ATP6V1H: variants seen among roughly 807,000 people sequenced by gnomAD.
The protein encoded by ATP6V1H is ATPase H+ transporting V1 subunit H.
Under a neutral mutation model 71.7 loss-of-function variants are expected in ATP6V1H, and 39 were observed. The observed-to-expected ratio is 0.54, with a 90% CI of 0.42 to 0.71. The LOEUF is 0.71. Ranked by LOEUF, ATP6V1H falls within the 30% of genes least tolerant of loss-of-function variation. The probability of loss-of-function intolerance (pLI) is 0.00; values close to 1 mark genes in which losing one functional copy is unlikely to be tolerated. For synonymous variants in ATP6V1H, 192 were observed against 199.3 expected (o/e 0.96, Z 0.31); for missense variants, 509 against 594.9 (o/e 0.86, Z 1.50).
intron 13 of ATP6V1H, among the ~76,000 whole-genome samples, chr8:53,717,022 G>C (rs1010873593): frequency 3.5e-4 from 53 of 152,220 alleles, no homozygotes; most frequent in Non-Finnish European, 1.6e-4. Flanking sequence ...CACTGGGTAT[G>C]GAGGCCCTGG....
chr8:53,796,626 C>T (rs1400582365), intron 8 of ATP6V1H, among the ~76,000 whole-genome samples: 2 of 151,942 alleles, frequency 1.3e-5, no homozygotes, highest in Non-Finnish European at 2.9e-5. Flanking sequence ...GCTCGAAGAC[C>T]ATAGAATGTA....
chr8:53,820,161 G>A (rs1457207266), intron 4 of ATP6V1H, among the ~76,000 whole-genome samples: 5 of 151,902 alleles, frequency 3.3e-5, no homozygotes, highest in African/African-American at 4.8e-5. Flanking sequence ...ATCTACAATC[G>A]CCACCATAAA....
Position 53,795,739 on chromosome 8 carries a change from G to C in ATP6V1H, c.778C>G (p.Leu260Val), listed in dbSNP as rs942751971. ...LAFSPQMCEH[L>V]RRYNIIPVLS... is the part of the protein sequence containing the mutation. ...ACTGGAATGATATTATAGCGCCGCA[G>C]GTGTTCACACATTTGAGGACTGAAT... The change falls in exon 9 of 14, where the codon CTG becomes GTG. Residue 260 changes from leucine to valine, a missense_variant. Leu to Val is a conservative substitution (Grantham distance 32, BLOSUM62 1). Coordinates refer to ENST00000359530, the MANE Select transcript of ATP6V1H (RefSeq NM_015941.4). 1 of 1,613,880 alleles carries C rather than the reference G, an allele frequency of 6.2e-7. No individual in the cohort carries two copies. Among genetic ancestry groups the C allele is most frequent in the Admixed American group, 1.7e-5 (1 of 59,984 alleles).
At position 53,829,546 on chromosome 8, in the gene ATP6V1H, AT is replaced by A. The variant is rs781607300; in HGVS notation, c.217-14del. 3.4e-6 allele frequency: 5 copies of A among 1,477,790 alleles called. No homozygotes were observed. The South Asian group carries it at 4.9e-5, about 14-fold the overall frequency. 91.5% of individuals were successfully genotyped at this position (1,477,790 alleles called of 1,614,324 possible). On this transcript the variant is annotated splice_polypyrimidine_tract_variant and intron_variant, in intron 3 of 13. Transcript: ENST00000359530. ...ATGTTTTAGCACACTAAAAAAAAAAATGAAATTAAAGTTATTGTTTTTATTT... is the reference window on the plus strand; with the variant it reads ...ATGTTTTAGCACACTAAAAAAAAAAAGAAATTAAAGTTATTGTTTTTATTT...
chr8:53,751,965 G>T (rs1346128067), intron 12 of ATP6V1H, among the ~76,000 whole-genome samples: 2 of 152,160 alleles, frequency 1.3e-5, no homozygotes, highest in Non-Finnish European at 2.9e-5. Context: ...ACTGTGCCCG[G>T]CCAATAAAGA....
chr8:53,746,267 CTTTTTTTT>C (rs562243257), intron 12 of ATP6V1H, among the ~76,000 whole-genome samples: 1 of 143,262 alleles, frequency 7.0e-6, no homozygotes, highest in African/African-American at 2.5e-5. Context: ...ATGTTTATTT[CTTTTTTTT>C]TTTTTTGAGA....
At chr8:53,796,145 T>C (rs928032062) in intron 8 of ATP6V1H, among the ~76,000 whole-genome samples, 1 of 151,914 alleles carries the variant, frequency 6.6e-6, no homozygotes. Context: ...GGACAGACAA[T>C]AGAGCCAAAT....
chr8:53,797,251 C>G (rs1210962208), intron 8 of ATP6V1H, among the ~76,000 whole-genome samples: 1 of 152,198 alleles, frequency 6.6e-6, no homozygotes, highest in Non-Finnish European at 1.5e-5. Context: ...TAGAGGCTGA[C>G]TTCAAGGAAG....
chr8:53,754,982 T>A (rs1563450500), intron 12 of ATP6V1H, among the ~76,000 whole-genome samples: 1 of 152,214 alleles, frequency 6.6e-6, no homozygotes, highest in Admixed American at 6.5e-5. Flanking sequence ...GGCATTTTGC[T>A]TAGGGGGTGC....
At chr8:53,717,095 G>C (rs562790492) in intron 13 of ATP6V1H, among the ~76,000 whole-genome samples, 71 of 152,296 alleles carry the variant, frequency 4.7e-4, no homozygotes, top group Admixed American at 1.8e-3. Context: ...CCTATCAACT[G>C]TGTGAGCATC....
chr8:53,796,660 A>G lies in ATP6V1H; in HGVS notation c.678-821T>C, dbSNP rs148898562. On this transcript the variant is annotated intron_variant, in intron 8 of 13. Coordinates refer to ENST00000359530, the MANE Select transcript of ATP6V1H (RefSeq NM_015941.4). ...TACAACACAAAGAGTGAGCCCTAAT[A>G]TAAGCTATGGAAACTTACTAATAAA... Among the ~76,000 whole-genome samples, 339 of 152,328 alleles carry G rather than the reference A, an allele frequency of 2.2e-3. 2 individuals are homozygous for G. The highest frequency in any genetic ancestry group is 7.9e-3 in the African/African-American group (328 of 41,584).
intron 5 of ATP6V1H, among the ~76,000 whole-genome samples, chr8:53,816,227 G>C (rs1318542781): frequency 2.0e-5 from 3 of 152,116 alleles, no homozygotes; most frequent in African/African-American, 7.2e-5. Context: ...ATATACATGT[G>C]GAAGGAGGGA....
chr8:53,789,280 A>G (rs182389686), intron 9 of ATP6V1H, among the ~76,000 whole-genome samples: 5 of 152,318 alleles, frequency 3.3e-5, no homozygotes, highest in Admixed American at 2.0e-4. Flanking sequence ...CTAAGTGGGG[A>G]CAAAAAAGTA....
chr8:53,739,737 T>C (rs1563443415), intron 13 of ATP6V1H: 2 of 152,244 alleles, frequency 1.3e-5, no homozygotes, highest in African/African-American at 2.4e-5. Context: ...TTATATATTC[T>C]GCCAAATTTA....
At chr8:53,765,591 A>G (rs894683461) in intron 11 of ATP6V1H, among the ~76,000 whole-genome samples, 8 of 152,234 alleles carry the variant, frequency 5.3e-5, no homozygotes, top group Middle Eastern at 3.4e-3. Flanking sequence ...TGCAAGATCT[A>G]TAAGAGGAAA....
At chr8:53,827,719 C>T (rs1457766791) in intron 4 of ATP6V1H, among the ~76,000 whole-genome samples, 1 of 152,072 alleles carries the variant, frequency 6.6e-6, no homozygotes, top group Non-Finnish European at 1.5e-5. Context: ...GGTACTAAGC[C>T]TAGTACCCAA....
chr8:53,784,788 C>T (rs928552400), intron 9 of ATP6V1H, among the ~76,000 whole-genome samples: 16 of 152,168 alleles, frequency 1.1e-4, no homozygotes, highest in African/African-American at 2.4e-4. Flanking sequence ...ATTTCTCCTT[C>T]GCTTATGAAG....
At chr8:53,740,632 C>T (rs16919522) in intron 13 of ATP6V1H, among the ~76,000 whole-genome samples, 24,820 of 152,062 alleles carry the variant, frequency 0.16, 3,262 homozygotes, top group East Asian at 0.37. Flanking sequence ...GAGAAATTTA[C>T]AAGATTCTTT....
At position 53,821,553 on chromosome 8, in the gene ATP6V1H, C is replaced by T. The variant is rs184957111; in HGVS notation, c.307-4023G>A. 2.3e-3 allele frequency among the ~76,000 whole-genome samples: 343 copies of T among 151,676 alleles called. 2 individuals carry two copies. Among genetic ancestry groups the T allele is most frequent in the African/African-American group, 7.0e-3 (289 of 41,362 alleles). The stretch of plus-strand genomic sequence containing the variant: ...AAAATTAGCTGGGCACGGCGGCACA[C>T]GCCTGTAATACCAGCTACTACTACT... On this transcript the variant is annotated intron_variant, in intron 4 of 13. Transcript: ENST00000359530.
Sources: gnomAD v4.1 joint callset for allele counts (sites outside exome capture counted in the v4.1 genomes callset) on GRCh38, gnomAD v4.1.1 for gene constraint, MANE v1.5 for transcripts, NCBI Gene and HGNC (gene_info 2026-07-23, HGNC 2026-07-21) for gene names.